ARHGAP15: variants seen among roughly 807,000 people sequenced by gnomAD.
ARHGAP15 encodes the protein Rho GTPase activating protein 15, also known as rho GTPase-activating protein 15.
A neutral mutation model predicts 63.7 loss-of-function variants in ARHGAP15; 51 were observed. The observed-to-expected ratio is 0.80, with a 90% confidence interval of 0.64 to 1.01. The LOEUF (loss-of-function observed/expected upper bound fraction) is 1.01. ARHGAP15 is among the 50% of genes least tolerant of loss of function. The pLI is 0.00. For missense variants in ARHGAP15, 560 were observed against 564.6 expected (o/e 0.99, Z 0.08); for synonymous variants, 191 against 193.8 (o/e 0.99, Z 0.12).
intron 6 of ARHGAP15, among the ~76,000 whole-genome samples, chr2:143,285,013 G>A (rs1682025322): frequency 6.6e-6 from 1 of 152,100 alleles, no homozygotes; most frequent in Non-Finnish European, 1.5e-5. Context: ...TGTTAGACTT[G>A]TGGAAATTGA....
At chr2:143,151,344 A>G (rs554417677) in intron 1 of ARHGAP15, among the ~76,000 whole-genome samples, 33 of 152,114 alleles carry the variant, frequency 2.2e-4, no homozygotes, top group African/African-American at 7.5e-4. Flanking sequence ...CCAGAATGCA[A>G]TGTTAATGTC....
intron 8 of ARHGAP15, among the ~76,000 whole-genome samples, chr2:143,480,378 A>C (rs1692023458): frequency 6.6e-6 from 1 of 152,236 alleles, no homozygotes; most frequent in Admixed American, 6.5e-5. Flanking sequence ...TTTTAATTGT[A>C]TGAATTTTCA....
At chr2:143,344,292 G>A (rs1685178143) in intron 6 of ARHGAP15, 1 of 152,092 alleles carries the variant, frequency 6.6e-6, no homozygotes, top group Non-Finnish European at 1.5e-5. Flanking sequence ...CATTTATCAA[G>A]AGCAGAAATT....
chr2:143,421,000 A>G (rs765140500), intron 6 of ARHGAP15, among the ~76,000 whole-genome samples: 2 of 152,190 alleles, frequency 1.3e-5, no homozygotes, highest in Non-Finnish European at 2.9e-5. Flanking sequence ...CATTGTTTCA[A>G]TACAAGGGAC....
At chr2:143,481,712 G>T (rs1054230656) in intron 8 of ARHGAP15, among the ~76,000 whole-genome samples, 3 of 152,146 alleles carry the variant, frequency 2.0e-5, no homozygotes, top group Non-Finnish European at 4.4e-5. Flanking sequence ...AGCATTCGTA[G>T]CTCTAGAGGT....
chr2:143,293,083 C>T (rs1168808184), intron 6 of ARHGAP15, among the ~76,000 whole-genome samples: 3 of 151,960 alleles, frequency 2.0e-5, no homozygotes, highest in Non-Finnish European at 4.4e-5. Context: ...AGAATTAATA[C>T]CCATGGAAGC....
intron 12 of ARHGAP15, among the ~76,000 whole-genome samples, chr2:143,696,414 T>C (rs796134770): frequency 1.3e-3 from 192 of 150,948 alleles, no homozygotes; most frequent in African/African-American, 4.4e-3. Context: ...TACCTTTATT[T>C]TTAATAATTT....
chr2:143,345,190 A>G (rs892725474), intron 6 of ARHGAP15, among the ~76,000 whole-genome samples: 1 of 152,132 alleles, frequency 6.6e-6, no homozygotes, highest in African/African-American at 2.4e-5. Flanking sequence ...AACTATCTCA[A>G]AAAATGGAAA....
At chr2:143,451,564 AC>A (rs1690408647) in intron 8 of ARHGAP15, among the ~76,000 whole-genome samples, 1 of 151,906 alleles carries the variant, frequency 6.6e-6, no homozygotes, top group Non-Finnish European at 1.5e-5. Flanking sequence ...AATTGAAAGG[AC>A]CTCAGAAAAT....
chr2:143,500,517 G>A (rs1273905459), intron 9 of ARHGAP15, among the ~76,000 whole-genome samples: 1 of 152,136 alleles, frequency 6.6e-6, no homozygotes, highest in Non-Finnish European at 1.5e-5. Context: ...TTAGTGAATA[G>A]TGATATGTAT....
chr2:143,745,884 C>T (rs1440237650), intron 13 of ARHGAP15, among the ~76,000 whole-genome samples: 1 of 152,202 alleles, frequency 6.6e-6, no homozygotes, highest in African/African-American at 2.4e-5. Flanking sequence ...CAGAGTACTA[C>T]AGGTAGTAAG....
chr2:143,228,981 TA>T (rs1367707562), intron 5 of ARHGAP15, among the ~76,000 whole-genome samples: 7 of 152,312 alleles, frequency 4.6e-5, no homozygotes, highest in Admixed American at 1.3e-4. Flanking sequence ...AAATGATCAC[TA>T]AATGCAGCTA....
chr2:143,235,645 C>A (rs1693613707), intron 5 of ARHGAP15, among the ~76,000 whole-genome samples: 2 of 152,238 alleles, frequency 1.3e-5, no homozygotes, highest in African/African-American at 4.8e-5. Flanking sequence ...AAGAGCCAGG[C>A]CTATTGTAGG....
At chr2:143,501,645 A>G (rs1289569546) in intron 9 of ARHGAP15, among the ~76,000 whole-genome samples, 2 of 152,198 alleles carry the variant, frequency 1.3e-5, no homozygotes, top group African/African-American at 4.8e-5. Flanking sequence ...TTTTAGTCAG[A>G]AAGATCATGT....
chr2:143,434,366 G>A (rs1689517201), intron 6 of ARHGAP15, among the ~76,000 whole-genome samples: 1 of 151,934 alleles, frequency 6.6e-6, no homozygotes, highest in Non-Finnish European at 1.5e-5. Context: ...AAAAACAAAT[G>A]ACAAATGAAT....
At chr2:143,213,233 G>T (rs912806179) in intron 3 of ARHGAP15, among the ~76,000 whole-genome samples, 9 of 152,180 alleles carry the variant, frequency 5.9e-5, no homozygotes, top group Non-Finnish European at 4.4e-5. Context: ...CAATGAAAGG[G>T]CCGGGTGCGG....
At chr2:143,435,275 C>T (rs1023322378) in intron 6 of ARHGAP15, 12 of 1,005,236 alleles carry the variant, frequency 1.2e-5, no homozygotes, top group African/African-American at 5.2e-5. Flanking sequence ...CATTTTTCTG[C>T]GGGTTCTGAC....
rs748592800 is a variant in ARHGAP15 at position 143,250,561 on chromosome 2, A to G, written c.435A>G (p.Glu145=). The change falls in exon 6 of 14, where the codon GAA becomes GAG. Residue 145 remains glutamate, a synonymous_variant. Coordinates refer to ENST00000295095, the MANE Select transcript of ARHGAP15 (RefSeq NM_018460.4). ...TGGATTTGTGTGGAGCACACATTGA[A>G]TGGGCCAAGGAAAAATCGAGCAGAA... ...ESVDLCGAHI[E]WAKEKSSRKN... is the part of the protein sequence containing the mutation. The G allele has an allele frequency of 6.2e-7, 1 of 1,613,482 alleles. No individual in the cohort carries two copies. Among genetic ancestry groups the G allele is most frequent in the Non-Finnish European group, 8.5e-7 (1 of 1,179,520 alleles).
chr2:143,720,071 CA>C (rs889848846), intron 13 of ARHGAP15, among the ~76,000 whole-genome samples: 10 of 151,600 alleles, frequency 6.6e-5, no homozygotes, highest in Non-Finnish European at 1.3e-4. Flanking sequence ...CTTTTTTTTC[CA>C]AGAAATGGTA....
Sources: allele counts gnomAD v4.1 joint callset (sites outside exome capture counted in the v4.1 genomes callset), GRCh38; gene constraint gnomAD v4.1.1; transcripts MANE v1.5; gene names NCBI Gene and HGNC (gene_info 2026-07-23, HGNC 2026-07-21).